Variants in DPYD observed in about 807,000 individuals in gnomAD.
DPYD encodes the protein dihydropyrimidine dehydrogenase.
A neutral mutation model predicts 116.2 loss-of-function variants in DPYD; 109 were observed. That is an observed-to-expected ratio of 0.94 (90% CI 0.80 to 1.10). The LOEUF (loss-of-function observed/expected upper bound fraction) is 1.10, where lower values mean the gene tolerates loss of function less well. Among genes scored for constraint, DPYD ranks in the 50% least tolerant of loss-of-function variants. The pLI is 0.00. For missense variants in DPYD, 1,302 were observed against 1,254.5 expected (o/e 1.04, Z -0.57); for synonymous variants, 440 against 432.0 (o/e 1.02, Z -0.23).
In DPYD at chr1:97,316,239, C is replaced by A. The variant is rs1210638788; in HGVS notation, c.2059-9942G>T. Among the ~76,000 whole-genome samples, 5 of 151,756 alleles carry A rather than the reference C, an allele frequency of 3.3e-5. No homozygotes were observed. The East Asian group carries it at 5.9e-4, about 18-fold the overall frequency. ...GCACATTGGCTCATGCCTGTAATCCCAGCACTTTGGAAGACTGAGGAGGGT... is the reference window on the plus strand; with the variant it reads ...GCACATTGGCTCATGCCTGTAATCCAAGCACTTTGGAAGACTGAGGAGGGT... On this transcript the variant is annotated intron_variant, in intron 16 of 22. Coordinates refer to ENST00000370192, the MANE Select transcript of DPYD (RefSeq NM_000110.4).
At chr1:97,351,558 A>G (rs1429589821) in intron 16 of DPYD, among the ~76,000 whole-genome samples, 1 of 152,158 alleles carries the variant, frequency 6.6e-6, no homozygotes, top group Non-Finnish European at 1.5e-5. Flanking sequence ...ATTATAAAGG[A>G]CATGAATACA....
chr1:97,086,603 A>G (rs1232889967), intron 21 of DPYD, among the ~76,000 whole-genome samples: 1 of 152,216 alleles, frequency 6.6e-6, no homozygotes, highest in Non-Finnish European at 1.5e-5. Context: ...CATGTATCAT[A>G]TCAGTTTCTA....
intron 16 of DPYD, among the ~76,000 whole-genome samples, chr1:97,342,721 T>C (rs1302677495): frequency 6.6e-6 from 1 of 152,170 alleles, no homozygotes; most frequent in Non-Finnish European, 1.5e-5. Context: ...GTCTAAAAGA[T>C]ACATTTGTGT....
intron 20 of DPYD, among the ~76,000 whole-genome samples, chr1:97,158,964 C>A (rs113796719): frequency 6.6e-6 from 1 of 152,146 alleles, no homozygotes; most frequent in East Asian, 1.9e-4. Flanking sequence ...AAACAAAAAT[C>A]GGGACTCTTA....
At chr1:97,212,403 A>G (rs1660093020) in intron 19 of DPYD, among the ~76,000 whole-genome samples, 1 of 152,054 alleles carries the variant, frequency 6.6e-6, no homozygotes, top group African/African-American at 2.4e-5. Flanking sequence ...GTGTCAGTCT[A>G]TTTTATTGCT....
At chr1:97,525,978 A>AGAGTGTGTGTGT (rs1491342461) in intron 12 of DPYD, among the ~76,000 whole-genome samples, 11 of 138,226 alleles carry the variant, frequency 8.0e-5, no homozygotes, top group African/African-American at 1.1e-4. Context: ...GGTAATTAAG[A>AGAGTGTGTGTGT]GTGTGTGTGT....
chr1:97,684,046 C>A (rs1467337606), intron 7 of DPYD, among the ~76,000 whole-genome samples: 2 of 152,110 alleles, frequency 1.3e-5, no homozygotes, highest in Non-Finnish European at 2.9e-5. Context: ...AAGTTCCACT[C>A]TGATCTTGCT....
At chr1:97,816,455 C>T (rs1043469618) in intron 3 of DPYD, among the ~76,000 whole-genome samples, 16 of 151,992 alleles carry the variant, frequency 1.1e-4, no homozygotes, top group African/African-American at 3.9e-4. Context: ...TAATAGACCA[C>T]AATCAATATT....
chr1:97,494,761 CACACACACACACACACAT>C (rs1679167915), intron 13 of DPYD, among the ~76,000 whole-genome samples: 1 of 148,788 alleles, frequency 6.7e-6, no homozygotes, highest in Non-Finnish European at 1.5e-5. Context: ...AACACACACA[CACACACACACACACACAT>C]ACGCACACAC....
At chr1:97,532,911 G>GTTT (rs535708189) in intron 12 of DPYD, among the ~76,000 whole-genome samples, 8 of 128,192 alleles carry the variant, frequency 6.2e-5, no homozygotes, top group African/African-American at 1.9e-4. Flanking sequence ...GGGCTTAGTT[G>GTTT]TTTTTTTTTT....
chr1:97,501,598 C>T (rs1439845232), intron 13 of DPYD, among the ~76,000 whole-genome samples: 1 of 151,878 alleles, frequency 6.6e-6, no homozygotes, highest in East Asian at 1.9e-4. Flanking sequence ...ATAGTCCTAG[C>T]TACTTGGGAG....
intron 20 of DPYD, among the ~76,000 whole-genome samples, chr1:97,099,502 T>C (rs1211195957): frequency 1.3e-5 from 2 of 152,122 alleles, no homozygotes; most frequent in African/African-American, 4.8e-5. Flanking sequence ...CTTCCCCTCT[T>C]CTAGAAACTT....
chr1:97,840,711 AT>A (rs1175293575), intron 2 of DPYD, among the ~76,000 whole-genome samples: 3 of 152,138 alleles, frequency 2.0e-5, no homozygotes, highest in African/African-American at 7.2e-5. Context: ...AGGCAGAAGC[AT>A]GAGGGGATTT....
intron 13 of DPYD, among the ~76,000 whole-genome samples, chr1:97,472,669 C>G (rs1677728499): frequency 6.6e-6 from 1 of 152,156 alleles, no homozygotes; most frequent in Admixed American, 6.5e-5. Context: ...TGTGACTACT[C>G]ACTTTTAGTA....
At chr1:97,638,019 G>A (rs1657670184) in intron 8 of DPYD, among the ~76,000 whole-genome samples, 1 of 152,114 alleles carries the variant, frequency 6.6e-6, no homozygotes. Context: ...CACATGTACT[G>A]TATCTCATGT....
intron 8 of DPYD, among the ~76,000 whole-genome samples, chr1:97,654,390 T>C (rs1476222934): frequency 1.3e-5 from 2 of 152,102 alleles, no homozygotes; most frequent in Non-Finnish European, 2.9e-5. Flanking sequence ...CATCAGCCAA[T>C]ATATAAAGAT....
rs1010820399 is a variant in DPYD, at chr1:97,884,633, A to G, written c.40-1259T>C. Among the ~76,000 whole-genome samples the G allele has an allele frequency of 2.6e-5, 4 of 152,068 alleles. No individual in the cohort carries two copies. The East Asian group carries it at 7.8e-4, about 29-fold the overall frequency. On this transcript the variant is annotated intron_variant, in intron 1 of 22. Transcript: ENST00000370192. ...ATGTTCATTTCAAAAGTCTTCTTCC[A>G]TGAAGTTACCCCTAACTAATCTAGA... is the stretch of plus-strand genomic sequence containing the variant.
At chr1:97,462,716 T>C (rs971800600) in intron 13 of DPYD, among the ~76,000 whole-genome samples, 5 of 152,222 alleles carry the variant, frequency 3.3e-5, no homozygotes, top group Non-Finnish European at 7.3e-5. Flanking sequence ...CCCTAAACTA[T>C]ATTTCTTTAA....
intron 8 of DPYD, among the ~76,000 whole-genome samples, chr1:97,602,723 T>G (rs1655337240): frequency 6.6e-6 from 1 of 151,950 alleles, no homozygotes; most frequent in Non-Finnish European, 1.5e-5. Context: ...TATTAGGATC[T>G]GTTGCATCTT....
Sources: allele counts gnomAD v4.1 joint callset (sites outside exome capture counted in the v4.1 genomes callset), GRCh38; gene constraint gnomAD v4.1.1; transcripts MANE v1.5; gene names NCBI Gene and HGNC (gene_info 2026-07-23, HGNC 2026-07-21).